Variants in RANBP2 observed in about 807,000 individuals in gnomAD.
The protein encoded by RANBP2 is E3 SUMO-protein ligase RanBP2.
A neutral mutation model predicts 303.6 loss-of-function variants in RANBP2; 57 were observed. The ratio of observed to expected loss-of-function variants is 0.19; its 90% CI spans 0.15 to 0.23. RANBP2 has a LOEUF of 0.23. RANBP2 is among the 10% of genes least tolerant of loss of function. The pLI is 1.00. For synonymous variants in RANBP2, 1,167 were observed against 1,301.5 expected, an observed-to-expected ratio of 0.90 and a Z score of 2.23; for missense variants, 3,138 against 3,780.8, an observed-to-expected ratio of 0.83 and a Z score of 4.46.
Position 108,763,338 on chromosome 2 carries a change from G to A in RANBP2, c.2799G>A (p.Met933Ile), listed in dbSNP as rs756504401. Residue 933 changes from methionine (M) to isoleucine (I), a missense_variant, in exon 20 of 29, where the codon ATG becomes ATA. Physicochemically the swap from Met to Ile is conservative, Grantham distance 10. This residue lies in a region of RANBP2 where 403 missense variants were observed against 376.7 expected (regional missense o/e 1.07). Coordinates refer to ENST00000283195, the MANE Select transcript of RANBP2 (RefSeq NM_006267.5). ...CAGTGCAAAGCTCATCTGCTTGTAT[G>A]TTCTCTCAGGAGATGTATGGTCCTC... is the stretch of plus-strand genomic sequence containing the variant. ...TPPVQSSSAC[M>I]FSQEMYGPPA... 7 of 1,613,950 alleles carry A rather than the reference G, an allele frequency of 4.3e-6. No individual in the cohort carries two copies. In the Admixed American group the frequency reaches 8.3e-5, roughly 19 times the overall value.
At chr2:109,009,551 GCT>G in the RANBP2 span, among the ~76,000 whole-genome samples, 18 of 151,874 alleles carry the variant, frequency 1.2e-4, no homozygotes, top group African/African-American at 4.1e-4. Context: ...TTTGAGACAG[GCT>G]CTGTCACTCT....
the RANBP2 span, among the ~76,000 whole-genome samples, chr2:109,579,818 A>AAAATAAAT: frequency 1.3e-5 from 2 of 152,200 alleles, no homozygotes; most frequent in Middle Eastern, 3.4e-3. Flanking sequence ...ATCTTGATTT[A>AAAATAAAT]AAATAAATAA....
At chr2:109,022,219 T>C in the RANBP2 span, among the ~76,000 whole-genome samples, 1 of 152,038 alleles carries the variant, frequency 6.6e-6, no homozygotes, top group Non-Finnish European at 1.5e-5. Context: ...CGAAGTGGGG[T>C]GCCTGCAGTT....
chr2:109,486,848 C>G, the RANBP2 span, among the ~76,000 whole-genome samples: 2 of 152,202 alleles, frequency 1.3e-5, no homozygotes, highest in Non-Finnish European at 2.9e-5. Context: ...GACCAGTGCA[C>G]CTTTCTCGGC....
the RANBP2 span, among the ~76,000 whole-genome samples, chr2:109,412,826 G>A: frequency 1.3e-5 from 2 of 152,236 alleles, no homozygotes; most frequent in Admixed American, 6.5e-5. Flanking sequence ...GGTTTGGTAT[G>A]TAAGTTTCCT....
At chr2:109,596,434 A>G in the RANBP2 span, among the ~76,000 whole-genome samples, 13 of 152,100 alleles carry the variant, frequency 8.5e-5, no homozygotes, top group East Asian at 2.5e-3. Context: ...TGGCTAACAC[A>G]GTGAAACCCC....
At chr2:108,919,460 G>A in the RANBP2 span, among the ~76,000 whole-genome samples, 2 of 152,152 alleles carry the variant, frequency 1.3e-5, no homozygotes, top group Non-Finnish European at 2.9e-5. Flanking sequence ...CCAGGTTCCA[G>A]TGATTCTCCT....
chr2:109,016,591 C>G, the RANBP2 span, among the ~76,000 whole-genome samples: 1 of 152,172 alleles, frequency 6.6e-6, no homozygotes, highest in Non-Finnish European at 1.5e-5. Flanking sequence ...CACATGTGCT[C>G]GTGAGCTTCA....
At chr2:109,544,278 T>C in the RANBP2 span, 1 of 1,613,052 alleles carries the variant, frequency 6.2e-7, no homozygotes. Context: ...TTGCTTGTGA[T>C]GATGACCTTC....
the RANBP2 span, among the ~76,000 whole-genome samples, chr2:109,281,491 C>T: frequency 6.6e-6 from 1 of 152,218 alleles, no homozygotes; most frequent in Admixed American, 6.5e-5. Context: ...CTGGTTCTGA[C>T]TCTGTGGGTG....
chr2:108,745,126 T>C (rs1367930908), intron 7 of RANBP2, among the ~76,000 whole-genome samples: 1 of 152,178 alleles, frequency 6.6e-6, no homozygotes, highest in South Asian at 2.1e-4. Context: ...ACTTTTTTTT[T>C]TTTTTAATGC....
the RANBP2 span, among the ~76,000 whole-genome samples, chr2:109,249,570 TCC>T: frequency 5.7e-3 from 793 of 139,996 alleles, 21 homozygotes; most frequent in Middle Eastern, 0.014. Flanking sequence ...CTTCCTTCCT[TCC>T]TTCCTTCCTT....
chr2:109,037,036 T>C, the RANBP2 span, among the ~76,000 whole-genome samples: 1 of 151,958 alleles, frequency 6.6e-6, no homozygotes, highest in Non-Finnish European at 1.5e-5. Flanking sequence ...TCCCAGCTAC[T>C]TGGGAGGCTG....
chr2:109,200,254 T>G, the RANBP2 span, among the ~76,000 whole-genome samples: 1 of 152,092 alleles, frequency 6.6e-6, no homozygotes, highest in African/African-American at 2.4e-5. Flanking sequence ...GCACCTGTAG[T>G]TGGGGCTTTC....
At chr2:109,430,433 G>A in the RANBP2 span, among the ~76,000 whole-genome samples, 2 of 152,096 alleles carry the variant, frequency 1.3e-5, no homozygotes, top group Non-Finnish European at 2.9e-5. Flanking sequence ...AGCCCAGGCT[G>A]TGTGGAAGCC....
chr2:109,405,862 A>G, the RANBP2 span, among the ~76,000 whole-genome samples: 1 of 152,212 alleles, frequency 6.6e-6, no homozygotes, highest in South Asian at 2.1e-4. Context: ...ACTGGCCCAC[A>G]GGTGGGGCTC....
the RANBP2 span, among the ~76,000 whole-genome samples, chr2:109,472,701 G>A: frequency 6.6e-6 from 1 of 152,342 alleles, no homozygotes; most frequent in South Asian, 2.1e-4. Context: ...ACATCCTTCA[G>A]AAGGAGGCCA....
the RANBP2 span, among the ~76,000 whole-genome samples, chr2:109,525,321 A>AT: frequency 4.6e-5 from 7 of 151,544 alleles, no homozygotes; most frequent in African/African-American, 1.2e-4. Context: ...CGCCCAGCTA[A>AT]TTTTTTTTGA....
the RANBP2 span, among the ~76,000 whole-genome samples, chr2:109,063,494 G>A: frequency 6.6e-6 from 1 of 152,280 alleles, no homozygotes; most frequent in South Asian, 2.1e-4. Context: ...AGAGGCCCCC[G>A]CGTGGCTGCA....
Sources: gnomAD v4.1 joint callset for allele counts (sites outside exome capture counted in the v4.1 genomes callset) on GRCh38, gnomAD v4.1.1 for gene constraint, gnomAD v4.1.1 regional missense constraint, MANE v1.5 for transcripts, NCBI Gene and HGNC (gene_info 2026-07-23, HGNC 2026-07-21) for gene names.